The following RAB3IP variants were observed in gnomAD, a reference collection of about 807,000 sequenced individuals.
RAB3IP encodes the protein RAB3A interacting protein, also known as rab-3A-interacting protein.
RAB3IP carries 36 observed loss-of-function variants against 59.1 expected under a neutral mutation model. The observed-to-expected ratio is 0.61, with a 90% CI of 0.47 to 0.80. RAB3IP has a LOEUF of 0.80. Among genes scored for constraint, RAB3IP ranks in the 30% least tolerant of loss-of-function variants. The pLI is 0.00. For missense variants in RAB3IP, 511 were observed against 536.0 expected, an observed-to-expected ratio of 0.95 and a Z score of 0.46; for synonymous variants, 207 against 191.2, an observed-to-expected ratio of 1.08 and a Z score of -0.68.
chr12:69,805,678 C>T (rs1453257661), intron 8 of RAB3IP, among the ~76,000 whole-genome samples: 3 of 151,656 alleles, frequency 2.0e-5, no homozygotes, highest in African/African-American at 7.3e-5. Flanking sequence ...CCCATCAATA[C>T]CTAATTTATT....
In RAB3IP at chr12:69,812,843, A is replaced by G. The variant is rs1880639074; in HGVS notation, c.1196A>G (p.Asn399Ser). Residue 399 changes from asparagine to serine, a missense_variant, in exon 9 of 11, where the codon AAC (asparagine) becomes AGC (serine). Physicochemically the swap from Asn to Ser is conservative, Grantham distance 46. Coordinates refer to ENST00000247833, the MANE Select transcript of RAB3IP (RefSeq NM_022456.5). The stretch of plus-strand genomic sequence containing the variant: ...AGAATTAAATTAGGGGACTCAAGCA[A>G]CTATTATTATATTTCTCCTTTTTGC... ...KHRIKLGDSS[N>S]YYYISPFCRY... 1.9e-6 allele frequency: 3 copies of G among 1,612,916 alleles called. No homozygotes were observed. Among genetic ancestry groups the G allele is most frequent in the Non-Finnish European group, 2.5e-6 (3 of 1,179,008 alleles).
chr12:69,795,063 T>C (rs1877224476), intron 5 of RAB3IP, 78 bp from the exon 6 acceptor site: 1 of 1,019,522 alleles, frequency 9.8e-7, no homozygotes, highest in Admixed American at 2.3e-5. Flanking sequence ...GAAAGTGTTT[T>C]GACCAGATTG....
At chr12:69,758,905 C>A (rs1220038074) in intron 3 of RAB3IP, among the ~76,000 whole-genome samples, 1 of 150,856 alleles carries the variant, frequency 6.6e-6, no homozygotes, top group Non-Finnish European at 1.5e-5. Context: ...CGGCATCTAT[C>A]ATTGTTGATG....
At chr12:69,799,756 C>T (rs1878082442) in intron 6 of RAB3IP, among the ~76,000 whole-genome samples, 1 of 152,050 alleles carries the variant, frequency 6.6e-6, no homozygotes, top group East Asian at 1.9e-4. Context: ...TTTATTCAGA[C>T]ACTATAATTA....
chr12:69,772,637 A>G (rs1188785245), intron 3 of RAB3IP, among the ~76,000 whole-genome samples: 1 of 152,230 alleles, frequency 6.6e-6, no homozygotes, highest in Non-Finnish European at 1.5e-5. Context: ...TAAACTGCTA[A>G]CAACTTAATT....
intron 4 of RAB3IP, chr12:69,785,122 ATAT>A: frequency 5.8e-6 from 1 of 173,596 alleles, no homozygotes; most frequent in South Asian, 1.4e-4. Flanking sequence ...GATTAACTAC[ATAT>A]GACTGTACAA....
chr12:69,796,414 T>C (rs1877446303), intron 6 of RAB3IP: 1 of 366,662 alleles, frequency 2.7e-6, no homozygotes, highest in East Asian at 4.0e-5. Flanking sequence ...CATTGTATAC[T>C]GTGAGAATGC....
At chr12:69,748,838 A>G (rs550188972) in intron 1 of RAB3IP, among the ~76,000 whole-genome samples, 78 of 152,328 alleles carry the variant, frequency 5.1e-4, no homozygotes, top group African/African-American at 1.6e-3. Flanking sequence ...TAAAGCTTCT[A>G]TGTATTTAAA....
chr12:69,798,065 T>C (rs1407565259), intron 6 of RAB3IP, among the ~76,000 whole-genome samples: 1 of 152,142 alleles, frequency 6.6e-6, no homozygotes, highest in African/African-American at 2.4e-5. Flanking sequence ...GGTCAAATGG[T>C]ATTTCTAGTT....
intron 6 of RAB3IP, among the ~76,000 whole-genome samples, chr12:69,798,232 G>A (rs1480170434): frequency 6.6e-6 from 1 of 152,148 alleles, no homozygotes. Context: ...GGTGTGAGAT[G>A]GTATCTCATT....
intron 4 of RAB3IP, among the ~76,000 whole-genome samples, chr12:69,790,028 A>G (rs1876353314): frequency 6.6e-6 from 1 of 152,190 alleles, no homozygotes; most frequent in Non-Finnish European, 1.5e-5. Context: ...TAAGACAAGG[A>G]TGCCCACTCT....
At chr12:69,803,259 T>C (rs572540152) in intron 8 of RAB3IP, among the ~76,000 whole-genome samples, 1 of 152,176 alleles carries the variant, frequency 6.6e-6, no homozygotes, top group South Asian at 2.1e-4. Flanking sequence ...CTTGTGGGAA[T>C]GGGGCCAGAA....
At chr12:69,779,814 A>G (rs1372682675) in intron 3 of RAB3IP, among the ~76,000 whole-genome samples, 1 of 152,124 alleles carries the variant, frequency 6.6e-6, no homozygotes, top group African/African-American at 2.4e-5. Flanking sequence ...GACAGATCAC[A>G]CATCTCCATC....
intron 5 of RAB3IP, 38 bp from the exon 6 acceptor site, chr12:69,795,103 G>A (rs766944404): frequency 2.0e-5 from 30 of 1,468,270 alleles, no homozygotes; most frequent in South Asian, 1.2e-4. Flanking sequence ...GTCATGAAAC[G>A]TATTTAATGT....
intron 1 of RAB3IP, among the ~76,000 whole-genome samples, 199 bp from the exon 2 acceptor site, chr12:69,755,185 C>T (rs1869988358): frequency 6.6e-6 from 1 of 151,988 alleles, no homozygotes; most frequent in Non-Finnish European, 1.5e-5. Context: ...CTCAAGCAAT[C>T]CTCCCACCTC....
At chr12:69,754,274 A>G (rs1046187432) in intron 1 of RAB3IP, among the ~76,000 whole-genome samples, 2 of 151,928 alleles carry the variant, frequency 1.3e-5, no homozygotes, top group Non-Finnish European at 2.9e-5. Context: ...CCAGATTTTG[A>G]TGATGATTTT....
intron 3 of RAB3IP, among the ~76,000 whole-genome samples, chr12:69,765,283 A>G (rs1248037150): frequency 6.6e-6 from 1 of 152,036 alleles, no homozygotes; most frequent in Non-Finnish European, 1.5e-5. Context: ...TTTGTCATAG[A>G]TGGCTCTTAT....
intron 1 of RAB3IP, among the ~76,000 whole-genome samples, chr12:69,749,228 T>G (rs985556843): frequency 6.6e-6 from 1 of 152,190 alleles, no homozygotes; most frequent in Non-Finnish European, 1.5e-5. Flanking sequence ...CTGCATTAGA[T>G]TCTCATAGGA....
intron 3 of RAB3IP, among the ~76,000 whole-genome samples, chr12:69,768,950 A>G (rs543465678): frequency 6.6e-6 from 1 of 151,928 alleles, no homozygotes; most frequent in African/African-American, 2.4e-5. Flanking sequence ...TTGAATTCCC[A>G]TGTGTTGTGG....
Sources: allele counts gnomAD v4.1 joint callset (sites outside exome capture counted in the v4.1 genomes callset), GRCh38; gene constraint gnomAD v4.1.1; transcripts MANE v1.5; gene names NCBI Gene and HGNC (gene_info 2026-07-23, HGNC 2026-07-21).